ANKRD28: variants seen among roughly 807,000 people sequenced by gnomAD.
ANKRD28 encodes ankyrin repeat domain 28, also known as serine/threonine-protein phosphatase 6 regulatory ankyrin repeat subunit A.
In ANKRD28, 44 loss-of-function variants were observed where a neutral mutation model predicts 126.5. That is an observed-to-expected ratio of 0.35 (90% CI 0.27 to 0.45). ANKRD28 has a LOEUF of 0.45. ANKRD28 is among the 20% of genes least tolerant of loss of function. The probability of loss-of-function intolerance (pLI) is 1.00; values close to 1 mark genes in which losing one functional copy is unlikely to be tolerated. For synonymous variants in ANKRD28, 442 were observed against 468.5 expected, an observed-to-expected ratio of 0.94 and a Z score of 0.73; for missense variants, 1,110 against 1,316.6, an observed-to-expected ratio of 0.84 and a Z score of 2.43.
intron 2 of ANKRD28, among the ~76,000 whole-genome samples, chr3:15,776,600 G>A (rs1038685290): frequency 6.6e-6 from 1 of 152,040 alleles, no homozygotes; most frequent in Admixed American, 6.5e-5. Context: ...AAAAATTTAC[G>A]GGTAACACTG....
At chr3:15,758,324 A>G (rs1248900551) in intron 3 of ANKRD28, among the ~76,000 whole-genome samples, 1 of 152,202 alleles carries the variant, frequency 6.6e-6, no homozygotes, top group Non-Finnish European at 1.5e-5. Flanking sequence ...TCAGGCTCAG[A>G]GTAGAATGAG....
chr3:15,693,429 T>A (rs113328409), intron 17 of ANKRD28, among the ~76,000 whole-genome samples: 1 of 10 alleles, frequency 0.1, no homozygotes, highest in African/African-American at 0.25. Flanking sequence ...AAGGGTGGGG[T>A]AGAATACAAA....
chr3:15,684,266 A>G (rs976587975), intron 21 of ANKRD28: 8 of 152,336 alleles, frequency 5.3e-5, no homozygotes, highest in Non-Finnish European at 1.2e-4. Flanking sequence ...TTTAACATCT[A>G]TAACTTCAAA....
In ANKRD28 at chr3:15,845,267, AC is replaced by A. The variant is rs2061507153; in HGVS notation, c.27+14109del. Among the ~76,000 whole-genome samples, 2 of 151,950 alleles carry A rather than the reference AC, an allele frequency of 1.3e-5. No individual in the cohort carries two copies. The highest frequency in any genetic ancestry group is 4.2e-4 in the South Asian group (2 of 4,816). ...CACCTATTATTAAATGAGTGGATTA[AC>A]TGTTACATAACATATACACAATCTT... is the stretch of plus-strand genomic sequence containing the variant. On this transcript the variant is annotated intron_variant, in intron 1 of 27. Coordinates refer to the ANKRD28 transcript ENST00000399451. The surrounding 1 kb of genome is among the most constrained non-coding windows in gnomAD (Gnocchi z 4.9).
At chr3:15,806,830 C>T (rs925044273) in intron 1 of ANKRD28, among the ~76,000 whole-genome samples, 2 of 152,074 alleles carry the variant, frequency 1.3e-5, no homozygotes, top group African/African-American at 2.4e-5. Flanking sequence ...CCCATCATGA[C>T]ATCTTAATGG....
At chr3:15,803,620 A>AG (rs1174332961) in intron 1 of ANKRD28, among the ~76,000 whole-genome samples, 1 of 151,794 alleles carries the variant, frequency 6.6e-6, no homozygotes, top group African/African-American at 2.4e-5. Flanking sequence ...CATTTAAAAA[A>AG]AAAAAAAAAA....
At chr3:15,849,118 C>T (rs2061585566) in intron 1 of ANKRD28, among the ~76,000 whole-genome samples, 1 of 152,126 alleles carries the variant, frequency 6.6e-6, no homozygotes, top group African/African-American at 2.4e-5. Flanking sequence ...AAGTCCAAAA[C>T]TTGTACTCTT....
At chr3:15,706,168 G>A (rs537191615) in intron 14 of ANKRD28, among the ~76,000 whole-genome samples, 24 of 151,844 alleles carry the variant, frequency 1.6e-4, no homozygotes, top group Non-Finnish European at 3.2e-4. Context: ...GTATACATGT[G>A]CCACGTTGGT....
chr3:15,789,228 C>G (rs1366299546), intron 2 of ANKRD28, among the ~76,000 whole-genome samples: 1 of 152,004 alleles, frequency 6.6e-6, no homozygotes, highest in Non-Finnish European at 1.5e-5. Flanking sequence ...TCCTGATTTA[C>G]TCCTGAATAT....
In ANKRD28 at chr3:15,704,375, T is replaced by A. The variant is rs189545787; in HGVS notation, c.1547+3549A>T. ...AGGGATAAAAGGCAGAGCAGAATTA[T>A]AATTACTGTATGTTGGTCCTAAACA... is the stretch of plus-strand genomic sequence containing the variant. On this transcript the variant is annotated intron_variant, in intron 14 of 27. Transcript: ENST00000683139. Among the ~76,000 whole-genome samples, 265 of 152,286 alleles carry A rather than the reference T, an allele frequency of 1.7e-3. 1 individual carries two copies. The highest frequency in any genetic ancestry group is 5.8e-3 in the African/African-American group (242 of 41,564).
At chr3:15,723,125 T>C (rs908688276) in intron 7 of ANKRD28, among the ~76,000 whole-genome samples, 1 of 152,220 alleles carries the variant, frequency 6.6e-6, no homozygotes, top group Admixed American at 6.5e-5. Context: ...TTGCCTCATT[T>C]ATCTAGATCA....
intron 1 of ANKRD28, chr3:15,859,331 C>T: frequency 1.3e-6 from 2 of 1,518,268 alleles, no homozygotes; most frequent in Non-Finnish European, 1.8e-6. Flanking sequence ...CCCTGCTTCC[C>T]TTCCTTCCCG....
chr3:15,813,524 CA>C (rs1278065969), intron 1 of ANKRD28, among the ~76,000 whole-genome samples: 3 of 152,106 alleles, frequency 2.0e-5, no homozygotes, highest in African/African-American at 7.2e-5. Context: ...AGATATTTAA[CA>C]AAAAGTACAG....
At chr3:15,748,800 G>A (rs2057655514) in intron 4 of ANKRD28, among the ~76,000 whole-genome samples, 2 of 152,130 alleles carry the variant, frequency 1.3e-5, no homozygotes, top group African/African-American at 4.8e-5. Context: ...CAAACTTTTA[G>A]AGTTCTCTTC....
intron 2 of ANKRD28, among the ~76,000 whole-genome samples, chr3:15,794,589 TA>T (rs34567683): frequency 0.63 from 95,318 of 151,872 alleles, 31,330 homozygotes; most frequent in East Asian, 0.91. Context: ...TGAAAAAACA[TA>T]ACAGAGAGAG....
In ANKRD28 at chr3:15,766,218, T is replaced by A. The variant is rs6789076; in HGVS notation, c.280+16A>T. On this transcript the variant is annotated intron_variant, in intron 3 of 27. Coordinates refer to ENST00000683139, the MANE Select transcript of ANKRD28 (RefSeq NM_001349278.2). ...AATATACATAATGTGTTCTTATTACTCAGAGGTTACCATACCAGATAAAAT... is the reference window on the plus strand; with the variant it reads ...AATATACATAATGTGTTCTTATTACACAGAGGTTACCATACCAGATAAAAT... The A allele has an allele frequency of 0.57, 901,869 of 1,591,104 alleles. 262,911 individuals are homozygous for A. Among genetic ancestry groups the A allele is most frequent in the Admixed American group, 0.62 (36,623 of 58,792 alleles).
At position 15,703,303 on chromosome 3, in the gene ANKRD28, A is replaced by C. The variant is rs150768771; in HGVS notation, c.1547+4621T>G. ...AAAATAAACTGCCATTAGAAGTCAA[A>C]ATGTAGCCTCATTTCCTAAGAGTGT... On this transcript the variant is annotated intron_variant, in intron 14 of 27. Transcript: ENST00000683139. Among the ~76,000 whole-genome samples, 431 of 152,342 alleles carry C rather than the reference A, an allele frequency of 2.8e-3. 1 individual carries two copies. The highest frequency in any genetic ancestry group is 9.9e-3 in the African/African-American group (413 of 41,578).
At chr3:15,706,980 A>G (rs2071524315) in intron 14 of ANKRD28, among the ~76,000 whole-genome samples, 1 of 152,242 alleles carries the variant, frequency 6.6e-6, no homozygotes, top group Non-Finnish European at 1.5e-5. Context: ...CAACATAAAA[A>G]AAGTTACTTA....
At chr3:15,778,398 G>T (rs1305929158) in intron 2 of ANKRD28, among the ~76,000 whole-genome samples, 1 of 152,116 alleles carries the variant, frequency 6.6e-6, no homozygotes, top group Non-Finnish European at 1.5e-5. Context: ...GATGGGCTGT[G>T]TTCTCACCTA....
Sources: gnomAD v4.1 joint callset for allele counts (sites outside exome capture counted in the v4.1 genomes callset) on GRCh38, gnomAD v4.1.1 for gene constraint, Gnocchi (gnomAD v3.1) non-coding constraint, MANE v1.5 for transcripts, NCBI Gene and HGNC (gene_info 2026-07-23, HGNC 2026-07-21) for gene names.